The following ZNF391 variants were observed in gnomAD, a reference collection of about 807,000 sequenced individuals.
The protein encoded by ZNF391 is zinc finger protein 391.
For missense variants in ZNF391, 375 were observed against 425.5 expected, an observed-to-expected ratio of 0.88 and a Z score of 1.04; for synonymous variants, 126 against 142.1, an observed-to-expected ratio of 0.89 and a Z score of 0.80.
intron 1 of ZNF391, among the ~76,000 whole-genome samples, chr6:27,397,138 G>C (rs1020732241): frequency 6.6e-6 from 1 of 152,160 alleles, no homozygotes; most frequent in African/African-American, 2.4e-5. Context: ...GATTTAATTG[G>C]CTCACAGTTC....
At chr6:27,393,009 C>T (rs1349865604) in intron 1 of ZNF391, among the ~76,000 whole-genome samples, 1 of 152,158 alleles carries the variant, frequency 6.6e-6, no homozygotes, top group African/African-American at 2.4e-5. Context: ...AGATTCCTTT[C>T]ACAAGTTCTT....
chr6:27,401,068 G>A lies in ZNF391; in HGVS notation c.698G>A (p.Arg233His), dbSNP rs777522196. ...GAATGTGGGAAAGCCTTCGGTGACC[G>A]TTCAACCATAATTCAGCATCAACGA... ...CNECGKAFGD[R>H]STIIQHQRIH... is the part of the protein sequence containing the mutation. The change falls in exon 3 of 3, where the codon CGT becomes CAT. Residue 233 changes from arginine (R) to histidine (H), a missense_variant. Physicochemically the swap from Arg to His is conservative, Grantham distance 29 (BLOSUM62 0). Transcript: ENST00000244576. 37 of 1,614,068 alleles carry A rather than the reference G, an allele frequency of 2.3e-5. No homozygotes were observed. The highest frequency in any genetic ancestry group is 5.0e-5 in the Admixed American group (3 of 60,008).
At chr6:27,380,141 TAGTC>T (rs1761475368) in intron 1 of ZNF391, among the ~76,000 whole-genome samples, 1 of 152,218 alleles carries the variant, frequency 6.6e-6, no homozygotes, top group Non-Finnish European at 1.5e-5. Context: ...GCAGAAAAAT[TAGTC>T]AGGTAGAGTG....
At chr6:27,377,881 A>G (rs536617978) in intron 1 of ZNF391, among the ~76,000 whole-genome samples, 1 of 152,232 alleles carries the variant, frequency 6.6e-6, no homozygotes, top group African/African-American at 2.4e-5. Flanking sequence ...ACAACCTTCA[A>G]TGATGCAGCA....
rs565725902 is a variant in ZNF391 at position 27,401,533 on chromosome 6, A to G, written c.*86A>G. 1.8e-4 allele frequency: 183 copies of G among 1,024,590 alleles called. 4 individuals carry two copies. In the Admixed American group the frequency reaches 3.2e-3, roughly 18 times the overall value. The allele number at this position is 1,024,590 out of a possible 1,614,324, so 63.5% of individuals were successfully genotyped here. A position where few individuals can be genotyped will look rare whatever the true frequency, so the allele number is the denominator to read the frequency against. On this transcript the variant is annotated 3_prime_UTR_variant, in exon 3 of 3. Transcript: ENST00000244576. ...ATATATATATTTCAAGTATATATAT[A>G]CTTGTTCTAATTTTCTTTTATTAGA...
intron 1 of ZNF391, chr6:27,390,838 A>G (rs1224536292): frequency 6.6e-6 from 1 of 152,238 alleles, no homozygotes; most frequent in Non-Finnish European, 1.5e-5. Context: ...AACTTGCAGT[A>G]TTGATGAAAG....
upstream of ZNF391, among the ~76,000 whole-genome samples, chr6:27,386,350 C>T (rs976855796): frequency 6.6e-6 from 1 of 152,136 alleles, no homozygotes; most frequent in Non-Finnish European, 1.5e-5. Context: ...TATACAGATT[C>T]AATGTATTCC....
chr6:27,394,523 A>AGGCAGAAGCCTGCTGTAAGG (rs1408263895), intron 1 of ZNF391, among the ~76,000 whole-genome samples: 1 of 152,254 alleles, frequency 6.6e-6, no homozygotes, highest in African/African-American at 2.4e-5. Context: ...CTGGGTGTCC[A>AGGCAGAAGCCTGCTGTAAGG]GGCAGAAGCC....
upstream of ZNF391, among the ~76,000 whole-genome samples, chr6:27,384,086 T>C (rs1209227368): frequency 6.6e-6 from 1 of 152,226 alleles, no homozygotes; most frequent in Non-Finnish European, 1.5e-5. Flanking sequence ...TTGTTGCCAG[T>C]AGACTTGTCT....
At position 27,401,554 on chromosome 6, in the gene ZNF391, T is replaced by C. The variant is rs1761970318; in HGVS notation, c.*107T>C. 1.2e-6 allele frequency: 1 copy of C among 819,354 alleles called. No homozygotes were observed. Among genetic ancestry groups the C allele is most frequent in the Admixed American group, 2.7e-5 (1 of 37,674 alleles). The allele number at this position is 819,354 out of a possible 1,614,324, so 50.8% of individuals were successfully genotyped here. ...ATATACTTGTTCTAATTTTCTTTTA[T>C]TAGATACCTATACCCGTTTTAAGCT... On this transcript the variant is annotated 3_prime_UTR_variant, in exon 3 of 3. Transcript: ENST00000244576.
At position 27,376,831 on chromosome 6, in the gene ZNF391, C is replaced by T. The variant is rs1203994728; in HGVS notation, n.523+1694C>T. Among the ~76,000 whole-genome samples, 3 of 151,982 alleles carry T rather than the reference C, an allele frequency of 2.0e-5. No homozygotes were observed. Among genetic ancestry groups the T allele is most frequent in the African/African-American group, 4.8e-5 (2 of 41,366 alleles). ...TTGCGCCACTGCACTCCAGCCTGGG[C>T]GACAAAGCAAGACTCCCTCTCAAAA... On this transcript the variant is annotated intron_variant and non_coding_transcript_variant, in intron 1 of 2. Coordinates refer to the ZNF391 transcript ENST00000477999. This position sits in a 1 kb window ranked among gnomAD's most constrained non-coding sequence, Gnocchi z 4.7.
intron 1 of ZNF391, among the ~76,000 whole-genome samples, chr6:27,394,293 T>C (rs1374719560): frequency 6.6e-6 from 1 of 152,238 alleles, no homozygotes; most frequent in East Asian, 1.9e-4. Flanking sequence ...TGGGTCCCAC[T>C]GCCCTGCACC....
At chr6:27,389,455 AT>A in intron 1 of ZNF391, 1 of 454,064 alleles carries the variant, frequency 2.2e-6, no homozygotes, top group Non-Finnish European at 4.4e-6. Context: ...CATCAACCCT[AT>A]GAAGTAATGT....
chr6:27,384,479 AAAAAGAGAGAGAG>A (rs1249210726), upstream of ZNF391, among the ~76,000 whole-genome samples: 3 of 109,800 alleles, frequency 2.7e-5, no homozygotes, highest in Non-Finnish European at 5.8e-5. Flanking sequence ...AAAAAAAAAA[AAAAAGAGAGAGAG>A]AGAGAGAGAA....
Position 27,376,116 on chromosome 6 carries a change from A to G in ZNF391, n.523+979A>G, listed in dbSNP as rs1011040064. Among the ~76,000 whole-genome samples, 4 of 152,208 alleles carry G rather than the reference A, an allele frequency of 2.6e-5. No homozygotes were observed. Among genetic ancestry groups the G allele is most frequent in the Non-Finnish European group, 4.4e-5 (3 of 68,040 alleles). ...CCTCCAGGCCCTATTTTCCTGCCTC[A>G]ATAATCACTCTCTTTAAATGTTTAT... On this transcript the variant is annotated intron_variant and non_coding_transcript_variant, in intron 1 of 2. Coordinates refer to the ZNF391 transcript ENST00000477999. This position sits in a 1 kb window ranked among gnomAD's most constrained non-coding sequence, Gnocchi z 4.7.
At chr6:27,388,551 A>G (rs1305846535), upstream of ZNF391, among the ~76,000 whole-genome samples, 2 of 152,230 alleles carry the variant, frequency 1.3e-5, no homozygotes, top group Admixed American at 1.3e-4. Context: ...GGTCTAGGCT[A>G]TACTTTGCAG....
chr6:27,387,745 A>G (rs1761607825), upstream of ZNF391, among the ~76,000 whole-genome samples: 1 of 152,262 alleles, frequency 6.6e-6, no homozygotes, highest in African/African-American at 2.4e-5. Context: ...AGCAGGGAAT[A>G]GAGACTGCTC....
upstream of ZNF391, among the ~76,000 whole-genome samples, chr6:27,385,033 A>G (rs1242289556): frequency 6.6e-6 from 1 of 151,242 alleles, no homozygotes; most frequent in Non-Finnish European, 1.5e-5. Context: ...AAAAAAAAAG[A>G]TTTTTTTTAT....
In ZNF391 at chr6:27,382,976, TG is replaced by T. The variant is rs1387404102; in HGVS notation, n.523+7842del. ...CTCTACCAAAAATACAAAAATTAGC[TG>T]GGCATGGTGGTGCATGCCTGTAGTC... is the stretch of plus-strand genomic sequence containing the variant. On this transcript the variant is annotated intron_variant and non_coding_transcript_variant, in intron 1 of 2. Transcript: ENST00000477999. Among the ~76,000 whole-genome samples the T allele has an allele frequency of 4.6e-5, 7 of 151,896 alleles. No homozygotes were observed. In the East Asian group the frequency reaches 1.2e-3, roughly 25 times the overall value.
Sources: gnomAD v4.1 joint callset for allele counts (sites outside exome capture counted in the v4.1 genomes callset) on GRCh38, gnomAD v4.1.1 for gene constraint, Gnocchi (gnomAD v3.1) non-coding constraint, MANE v1.5 for transcripts, NCBI Gene and HGNC (gene_info 2026-07-23, HGNC 2026-07-21) for gene names.